MTUS2: variants seen among roughly 807,000 people sequenced by gnomAD.
MTUS2 encodes microtubule-associated tumor suppressor candidate 2.
MTUS2 carries 40 observed loss-of-function variants against 114.1 expected under a neutral mutation model. That is an observed-to-expected ratio of 0.35 (90% CI 0.27 to 0.46). MTUS2 has a LOEUF of 0.46. MTUS2 is among the 20% of genes least tolerant of loss of function. The pLI, the probability that MTUS2 is intolerant of heterozygous loss-of-function variation, is 1.00. For synonymous variants in MTUS2, 688 were observed against 672.0 expected (o/e 1.02, Z -0.37); for missense variants, 1,679 against 1,705.4 (o/e 0.98, Z 0.27).
chr13:29,147,072 G>A (rs1464404687), intron 5 of MTUS2, among the ~76,000 whole-genome samples: 6 of 152,084 alleles, frequency 3.9e-5, no homozygotes, highest in Non-Finnish European at 8.8e-5. Context: ...TGTAAAAGAA[G>A]TTCAAATAAA....
chr13:29,229,577 C>G (rs74041776), intron 5 of MTUS2, among the ~76,000 whole-genome samples: 2,149 of 152,260 alleles, frequency 0.014, 50 homozygotes, highest in African/African-American at 0.05. Flanking sequence ...TGGACTCGGT[C>G]TCAATTTACC....
chr13:29,049,088 A>G (rs1177302742), intron 4 of MTUS2, among the ~76,000 whole-genome samples: 1 of 152,274 alleles, frequency 6.6e-6, no homozygotes, highest in Non-Finnish European at 1.5e-5. Flanking sequence ...CTCTTTGCAT[A>G]TTGTCAGGTT....
chr13:28,855,451 C>T (rs536147742), intron 2 of MTUS2, among the ~76,000 whole-genome samples: 3 of 152,170 alleles, frequency 2.0e-5, no homozygotes, highest in South Asian at 2.1e-4. Context: ...CAGGCCCCAG[C>T]GTGTGTCGTT....
intron 4 of MTUS2, among the ~76,000 whole-genome samples, chr13:29,074,565 T>C (rs1420925717): frequency 6.6e-6 from 1 of 152,228 alleles, no homozygotes; most frequent in East Asian, 1.9e-4. Context: ...ATGTCTTCAC[T>C]GTTCTCTTCC....
chr13:29,338,314 C>T (rs192892971), intron 7 of MTUS2, among the ~76,000 whole-genome samples: 8 of 152,016 alleles, frequency 5.3e-5, no homozygotes, highest in East Asian at 1.9e-4. Context: ...CAGCCAGAGG[C>T]GGTGGCTCAC....
Position 29,360,245 on chromosome 13 carries a change from A to AT in MTUS2, c.3117+773dup, listed in dbSNP as rs113247588. On this transcript the variant is annotated intron_variant, in intron 8 of 15. Coordinates refer to ENST00000612955, the MANE Select transcript of MTUS2 (RefSeq NM_001033602.4). ...TGCACATATGGACCTCCTGGTATCT[A>AT]TACATGGGAGGAAGTAAAAGTGCTG... Among the ~76,000 whole-genome samples the AT allele has an allele frequency of 3.8e-3, 572 of 152,318 alleles. 8 individuals carry two copies. Among genetic ancestry groups the AT allele is most frequent in the African/African-American group, 0.013 (551 of 41,568 alleles).
chr13:29,027,026 C>T, intron 3 of MTUS2, 123 bp downstream of exon 3: 3 of 1,057,136 alleles, frequency 2.8e-6, no homozygotes, highest in East Asian at 2.6e-5. Context: ...CATGGATACA[C>T]TTGTGAAGAA....
At chr13:29,179,609 A>G (rs1184297921) in intron 5 of MTUS2, among the ~76,000 whole-genome samples, 1 of 151,660 alleles carries the variant, frequency 6.6e-6, no homozygotes, top group Non-Finnish European at 1.5e-5. Flanking sequence ...TTCTAGGGAA[A>G]AAGCACAGGA....
chr13:29,505,743 C>A lies in MTUS2; in HGVS notation c.*2537C>A, dbSNP rs146876882. ...TCGTGGCATTTGGGAGATGCGTGGG[C>A]GGCCTGCCCCCCGACCGCCGCCCCT... On this transcript the variant is annotated 3_prime_UTR_variant, in exon 16 of 16. Transcript: ENST00000612955. 4.4e-3 allele frequency: 1,012 copies of A among 228,774 alleles called. 11 individuals carry two copies. The highest frequency in any genetic ancestry group is 0.021 in the African/African-American group (935 of 45,132). 14.2% of individuals were successfully genotyped at this position (228,774 alleles called of 1,614,324 possible).
intron 7 of MTUS2, among the ~76,000 whole-genome samples, chr13:29,344,377 G>A (rs1868459170): frequency 6.6e-6 from 1 of 151,984 alleles, no homozygotes; most frequent in African/African-American, 2.4e-5. Context: ...TTTCCTGTTG[G>A]ACTAGTCCTT....
Position 29,503,283 on chromosome 13 carries a change from G to C in MTUS2, c.*77G>C, listed in dbSNP as rs1054292901. On this transcript the variant is annotated 3_prime_UTR_variant, in exon 16 of 16. Transcript: ENST00000612955. ...CCTGAGGGAGCACCGACCCGGTGCCGCCGGAGCTGGCCCTGTGCGCATGCT... is the reference window on the plus strand; with the variant it reads ...CCTGAGGGAGCACCGACCCGGTGCCCCCGGAGCTGGCCCTGTGCGCATGCT... 1.3e-6 allele frequency: 2 copies of C among 1,504,334 alleles called. No individual in the cohort carries two copies. The highest frequency in any genetic ancestry group is 1.8e-6 in the Non-Finnish European group (2 of 1,098,156). The allele number at this position is 1,504,334 out of a possible 1,614,324, so 93.2% of individuals were successfully genotyped here.
chr13:29,477,842 C>T (rs1880818627), intron 9 of MTUS2, among the ~76,000 whole-genome samples: 1 of 152,084 alleles, frequency 6.6e-6, no homozygotes, highest in Non-Finnish European at 1.5e-5. Context: ...GTCTTCTATA[C>T]CACAAAATTA....
intron 2 of MTUS2, among the ~76,000 whole-genome samples, chr13:28,845,032 T>C (rs1875774845): frequency 6.6e-6 from 1 of 152,210 alleles, no homozygotes; most frequent in Non-Finnish European, 1.5e-5. Context: ...CATAGCTCAC[T>C]GTAACCTTGA....
At chr13:29,346,291 T>C (rs757971519) in intron 7 of MTUS2, among the ~76,000 whole-genome samples, 2 of 152,116 alleles carry the variant, frequency 1.3e-5, no homozygotes, top group Non-Finnish European at 2.9e-5. Context: ...TGTCTTCAGC[T>C]ACCAGGGTGG....
chr13:29,027,077 C>G (rs1472208941), intron 3 of MTUS2, among the ~76,000 whole-genome samples, 174 bp downstream of exon 3: 1 of 152,092 alleles, frequency 6.6e-6, no homozygotes, highest in Non-Finnish European at 1.5e-5. Context: ...GAGAAATGAC[C>G]ATTTTTAACT....
chr13:29,095,640 G>C, intron 4 of MTUS2, among the ~76,000 whole-genome samples: 1 of 151,858 alleles, frequency 6.6e-6, no homozygotes, highest in East Asian at 1.9e-4. Flanking sequence ...ACATCTCTCT[G>C]AGGCTCCACT....
chr13:29,466,511 G>A (rs1879894671), intron 9 of MTUS2, among the ~76,000 whole-genome samples: 1 of 152,136 alleles, frequency 6.6e-6, no homozygotes, highest in African/African-American at 2.4e-5. Context: ...TTAAAGTTAG[G>A]TTCTGTAGAT....
intron 7 of MTUS2, among the ~76,000 whole-genome samples, chr13:29,353,107 C>T (rs1400848180): frequency 6.6e-6 from 1 of 152,114 alleles, no homozygotes; most frequent in Non-Finnish European, 1.5e-5. Context: ...TGTTTACATG[C>T]CAGGGGATAT....
At chr13:28,982,226 G>A (rs775543316) in intron 2 of MTUS2, among the ~76,000 whole-genome samples, 11 of 151,992 alleles carry the variant, frequency 7.2e-5, no homozygotes, top group Admixed American at 2.0e-4. Flanking sequence ...AGGTGGATGC[G>A]AAAGTCAGCA....
Sources: allele counts gnomAD v4.1 joint callset (sites outside exome capture counted in the v4.1 genomes callset), GRCh38; gene constraint gnomAD v4.1.1; transcripts MANE v1.5; gene names NCBI Gene and HGNC (gene_info 2026-07-23, HGNC 2026-07-21).